Variants in FAM227B observed in about 807,000 individuals in gnomAD.
FAM227B encodes family with sequence similarity 227 member B, also known as protein FAM227B.
Under a neutral mutation model 73.8 loss-of-function variants are expected in FAM227B, and 88 were observed. That is an observed-to-expected ratio of 1.19 (90% CI 1.00 to 1.42). The LOEUF is 1.42. FAM227B is among the 40% of genes most tolerant of loss of function. FAM227B has a pLI of 0.00. For missense variants in FAM227B, 632 were observed against 590.9 expected (o/e 1.07, Z -0.72); for synonymous variants, 210 against 190.5 (o/e 1.10, Z -0.84).
intron 11 of FAM227B, among the ~76,000 whole-genome samples, chr15:49,403,628 T>C (rs913474882): frequency 5.3e-5 from 8 of 152,162 alleles, no homozygotes; most frequent in African/African-American, 1.9e-4. Context: ...CTTTTGTGAT[T>C]GTGTTTGTTT....
intron 11 of FAM227B, among the ~76,000 whole-genome samples, chr15:49,394,582 AT>A (rs2047440506): frequency 6.6e-6 from 1 of 152,170 alleles, no homozygotes; most frequent in Non-Finnish European, 1.5e-5. Context: ...TGGTTGTATA[AT>A]TTCTGTATAC....
rs572965597 is a variant in FAM227B at position 49,489,386 on chromosome 15, C to T, written c.1012+18825G>A. 8.4e-5 allele frequency: 83 copies of T among 984,452 alleles called. No individual in the cohort carries two copies. In the East Asian group the frequency reaches 5.2e-3, roughly 62 times the overall value. 61.0% of individuals were successfully genotyped at this position (984,452 alleles called of 1,614,324 possible). A position where few individuals can be genotyped will look rare whatever the true frequency, so the allele number is the denominator to read the frequency against. ...TCTTCCTTGAGGGATACTGCGTGGTCCATTCCTACAAAGGATAATTAACAA... is the reference window on the plus strand; with the variant it reads ...TCTTCCTTGAGGGATACTGCGTGGTTCATTCCTACAAAGGATAATTAACAA... On this transcript the variant is annotated intron_variant, in intron 11 of 15. Transcript: ENST00000299338.
rs79584621 is a variant in FAM227B at position 49,368,918 on chromosome 15, T to C, written c.1111-1310A>G. On this transcript the variant is annotated intron_variant, in intron 12 of 15. Coordinates refer to ENST00000299338, the MANE Select transcript of FAM227B (RefSeq NM_152647.3). ...GTACTTCAGCCAGGTAAGAGGCAAA[T>C]AGGTATTAAATGCAATCCCGTGGTG... Among the ~76,000 whole-genome samples, 453 of 152,266 alleles carry C rather than the reference T, an allele frequency of 3.0e-3. 6 individuals carry two copies. The highest frequency in any genetic ancestry group is 0.01 in the African/African-American group (428 of 41,552).
intron 10 of FAM227B, among the ~76,000 whole-genome samples, chr15:49,524,666 C>T (rs76156509): frequency 0.015 from 2,235 of 152,290 alleles, 73 homozygotes; most frequent in African/African-American, 0.052. Context: ...GGAAAAGCCA[C>T]AGACACTCAA....
intron 11 of FAM227B, among the ~76,000 whole-genome samples, chr15:49,392,833 G>C (rs1194820384): frequency 1.3e-5 from 2 of 152,202 alleles, no homozygotes; most frequent in Admixed American, 1.3e-4. Flanking sequence ...AATGGTCATA[G>C]ACTTAATTTC....
At chr15:49,365,295 C>T (rs138786414) in intron 13 of FAM227B, 9 of 1,543,304 alleles carry the variant, frequency 5.8e-6, no homozygotes, top group Non-Finnish European at 8.1e-6. Context: ...TAGAGGAGAG[C>T]AGGTTGCCCC....
chr15:49,610,226 T>C (rs2077800036), intron 3 of FAM227B, among the ~76,000 whole-genome samples: 1 of 151,928 alleles, frequency 6.6e-6, no homozygotes, highest in Non-Finnish European at 1.5e-5. Flanking sequence ...AACTTAAAAC[T>C]TAAAACATTA....
At chr15:49,596,158 G>A (rs1013778620) in intron 3 of FAM227B, among the ~76,000 whole-genome samples, 37 of 151,946 alleles carry the variant, frequency 2.4e-4, no homozygotes, top group African/African-American at 8.5e-4. Context: ...TAGGCACACA[G>A]TCATTAGGTT....
intron 11 of FAM227B, among the ~76,000 whole-genome samples, chr15:49,392,866 G>T (rs2047307240): frequency 6.6e-6 from 1 of 152,126 alleles, no homozygotes; most frequent in Non-Finnish European, 1.5e-5. Context: ...TTGTAATGGA[G>T]AAAGGTAACA....
At chr15:49,606,224 A>G (rs1416084805) in intron 3 of FAM227B, 1 of 152,152 alleles carries the variant, frequency 6.6e-6, no homozygotes, top group Non-Finnish European at 1.5e-5. Flanking sequence ...TATTTCTGCA[A>G]AGGGATAAAG....
intron 7 of FAM227B, 40 bp downstream of exon 7, chr15:49,576,701 G>T: frequency 8.6e-7 from 1 of 1,159,658 alleles, no homozygotes; most frequent in Non-Finnish European, 1.3e-6. Context: ...AAATCATACT[G>T]TCAAAATGTA....
intron 11 of FAM227B, among the ~76,000 whole-genome samples, chr15:49,372,378 G>A (rs1212707706): frequency 2.0e-5 from 3 of 152,162 alleles, no homozygotes; most frequent in African/African-American, 4.8e-5. Flanking sequence ...AGACTAAAGT[G>A]CAAGTTCTAT....
At chr15:49,541,185 GATAA>G (rs2071017401) in intron 10 of FAM227B, among the ~76,000 whole-genome samples, 1 of 152,034 alleles carries the variant, frequency 6.6e-6, no homozygotes, top group East Asian at 1.9e-4. Context: ...TAAATTTCTT[GATAA>G]ATGTTCTAGG....
At chr15:49,449,284 A>T (rs1002869251) in intron 11 of FAM227B, among the ~76,000 whole-genome samples, 8 of 152,190 alleles carry the variant, frequency 5.3e-5, no homozygotes, top group Non-Finnish European at 1.0e-4. Flanking sequence ...TCATGAAATC[A>T]ATCTAAAATA....
intron 2 of FAM227B, among the ~76,000 whole-genome samples, chr15:49,612,444 G>T (rs1002918850): frequency 1.3e-5 from 2 of 152,092 alleles, no homozygotes; most frequent in Admixed American, 6.5e-5. Context: ...TGGCTGCATA[G>T]TATTCCATGG....
At chr15:49,378,878 T>G (rs759649868) in intron 11 of FAM227B, among the ~76,000 whole-genome samples, 1 of 152,160 alleles carries the variant, frequency 6.6e-6, no homozygotes, top group Non-Finnish European at 1.5e-5. Context: ...TGTCATGCTC[T>G]AGATCTTAGA....
At chr15:49,509,056 G>A (rs1567439953) in intron 10 of FAM227B, among the ~76,000 whole-genome samples, 1 of 152,180 alleles carries the variant, frequency 6.6e-6, no homozygotes. Flanking sequence ...GGAAGGAAGA[G>A]GCAAGGCAAG....
intron 8 of FAM227B, among the ~76,000 whole-genome samples, chr15:49,571,487 T>A (rs1338028542): frequency 6.6e-6 from 1 of 151,970 alleles, no homozygotes; most frequent in Non-Finnish European, 1.5e-5. Flanking sequence ...CAGTTTCAGA[T>A]CTGATATTTA....
chr15:49,479,864 T>C (rs1308428116), intron 11 of FAM227B, among the ~76,000 whole-genome samples: 1 of 152,176 alleles, frequency 6.6e-6, no homozygotes, highest in Non-Finnish European at 1.5e-5. Flanking sequence ...TCCACCCGCG[T>C]TGGCCTCCCA....
Sources: gnomAD v4.1 joint callset for allele counts (sites outside exome capture counted in the v4.1 genomes callset) on GRCh38, gnomAD v4.1.1 for gene constraint, MANE v1.5 for transcripts, NCBI Gene and HGNC (gene_info 2026-07-23, HGNC 2026-07-21) for gene names.